Variants in RPN2 observed in about 807,000 individuals in gnomAD.
RPN2 encodes ribophorin II.
Under a neutral mutation model 71.4 loss-of-function variants are expected in RPN2, and 29 were observed. That is an observed-to-expected ratio of 0.41 (90% CI 0.30 to 0.55). RPN2 has a LOEUF of 0.55. RPN2 is among the 20% of genes least tolerant of loss of function. The pLI is 0.35. For missense variants in RPN2, 726 were observed against 774.1 expected, an observed-to-expected ratio of 0.94 and a Z score of 0.74; for synonymous variants, 308 against 305.0, an observed-to-expected ratio of 1.01 and a Z score of -0.10.
chr20:37,181,757 T>A (rs1398590384), intron 1 of RPN2, among the ~76,000 whole-genome samples: 1 of 152,200 alleles, frequency 6.6e-6, no homozygotes, highest in Non-Finnish European at 1.5e-5. Context: ...TCCCACCAGA[T>A]ATCTTTATGA....
chr20:37,230,082 A>C (rs1204404582), intron 13 of RPN2, 23 bp downstream of exon 13: 1 of 1,575,960 alleles, frequency 6.3e-7, no homozygotes, highest in Admixed American at 1.7e-5. Context: ...GGGCCTATCC[A>C]CTAAACGTGG....
chr20:37,202,868 A>G (rs1325558326), intron 4 of RPN2, among the ~76,000 whole-genome samples: 2 of 152,206 alleles, frequency 1.3e-5, no homozygotes, highest in African/African-American at 2.4e-5. Flanking sequence ...GATAGAACAT[A>G]GATTGCTGGT....
rs772699979 is a variant in RPN2 at position 37,232,415 on chromosome 20, G to T, written c.1677+24G>T. 7 of 1,613,384 alleles carry T rather than the reference G, an allele frequency of 4.3e-6. No homozygotes were observed. The African/African-American group carries it at 9.3e-5, about 22-fold the overall frequency. Reference sequence around the variant, plus strand: ...TGGTGAGTGGCTGTAATTAGCGTGGGCAGCATGCGTCTGGCGCCAGACCCA... The same window carrying T: ...TGGTGAGTGGCTGTAATTAGCGTGGTCAGCATGCGTCTGGCGCCAGACCCA... On this transcript the variant is annotated intron_variant, in intron 14 of 16. Coordinates refer to ENST00000237530, the MANE Select transcript of RPN2 (RefSeq NM_002951.5).
At chr20:37,229,897 G>A (rs2068191128) in intron 12 of RPN2, 76 bp from the exon 13 acceptor site, 1 of 1,115,024 alleles carries the variant, frequency 9.0e-7, no homozygotes, top group South Asian at 1.2e-5. Flanking sequence ...TTAGATGTGA[G>A]TCAGAGAATA....
At chr20:37,204,937 A>C in intron 6 of RPN2, 36 bp downstream of exon 6, 1 of 1,613,956 alleles carries the variant, frequency 6.2e-7, no homozygotes, top group Non-Finnish European at 8.5e-7. Context: ...TGAAACCCAA[A>C]GGGGTCATCA....
At chr20:37,198,659 T>C (rs2067310920) in intron 3 of RPN2, among the ~76,000 whole-genome samples, 167 bp downstream of exon 3, 1 of 152,116 alleles carries the variant, frequency 6.6e-6, no homozygotes, top group African/African-American at 2.4e-5. Context: ...TAGTTTATGT[T>C]TCTCCTAAGT....
chr20:37,206,260 A>G (rs923208355), intron 6 of RPN2, among the ~76,000 whole-genome samples: 4 of 152,140 alleles, frequency 2.6e-5, no homozygotes, highest in African/African-American at 9.7e-5. Flanking sequence ...TTCTTAATGG[A>G]GAGTTATTTT....
intron 6 of RPN2, among the ~76,000 whole-genome samples, chr20:37,205,146 G>A (rs1224598768): frequency 2.0e-5 from 3 of 152,054 alleles, no homozygotes; most frequent in East Asian, 3.9e-4. Flanking sequence ...TACATGTCAC[G>A]AGGTAGTATC....
intron 2 of RPN2, among the ~76,000 whole-genome samples, chr20:37,189,020 G>A (rs572031719): frequency 6.6e-6 from 1 of 151,942 alleles, no homozygotes; most frequent in Non-Finnish European, 1.5e-5. Flanking sequence ...TGCAACCTCC[G>A]CCTCGTAGGT....
chr20:37,239,191 A>G (rs1167826332), intron 16 of RPN2, among the ~76,000 whole-genome samples: 2 of 152,242 alleles, frequency 1.3e-5, no homozygotes, highest in Non-Finnish European at 2.9e-5. Context: ...TTAACTGGCC[A>G]TATGGTCTCT....
chr20:37,180,252 A>G (rs1054961482), intron 1 of RPN2, among the ~76,000 whole-genome samples: 16 of 152,346 alleles, frequency 1.1e-4, no homozygotes, highest in Admixed American at 4.6e-4. Context: ...AGTTCAGGAT[A>G]GTAAAGTGGT....
rs1163219708 is a variant in RPN2 at position 37,207,352 on chromosome 20, C to A, written c.770C>A (p.Ser257Tyr). The change falls in exon 7 of 17, where the codon TCT (serine) becomes TAT (tyrosine). Residue 257 changes from serine to tyrosine, a missense_variant. By Grantham distance (144) the Ser-to-Tyr change is moderately radical (BLOSUM62 -2). Coordinates refer to ENST00000237530, the MANE Select transcript of RPN2 (RefSeq NM_002951.5). ...ESLSEAFSVA[S>Y]AAAVLSHNRY... The stretch of plus-strand genomic sequence containing the variant: ...CTCTCCGAAGCCTTCAGCGTGGCCT[C>A]TGCAGCTGCTGTGCTCTCGCATAAT... The A allele has an allele frequency of 6.2e-7, 1 of 1,614,130 alleles. No individual in the cohort carries two copies. The highest frequency in any genetic ancestry group is 8.5e-7 in the Non-Finnish European group (1 of 1,179,906).
chr20:37,224,138 A>C (rs1388319977), intron 10 of RPN2, among the ~76,000 whole-genome samples, 169 bp downstream of exon 10: 7 of 152,228 alleles, frequency 4.6e-5, no homozygotes, highest in African/African-American at 1.7e-4. Flanking sequence ...GGATTCTGCG[A>C]ATTATCTAAG....
At chr20:37,211,929 G>A (rs539318711) in intron 8 of RPN2, among the ~76,000 whole-genome samples, 1 of 151,912 alleles carries the variant, frequency 6.6e-6, no homozygotes, top group East Asian at 1.9e-4. Context: ...GTAGAGATGG[G>A]GTTTTACCAT....
intron 12 of RPN2, among the ~76,000 whole-genome samples, chr20:37,229,116 G>A (rs1296927485): frequency 6.6e-6 from 1 of 152,198 alleles, no homozygotes; most frequent in Non-Finnish European, 1.5e-5. Context: ...GCTCATGGGA[G>A]GGATGAGATC....
intron 6 of RPN2, 94 bp from the exon 7 acceptor site, chr20:37,207,179 C>G: frequency 9.9e-7 from 1 of 1,013,848 alleles, no homozygotes; most frequent in Non-Finnish European, 1.6e-6. Flanking sequence ...ATGTGAACAC[C>G]CGAAACAGAT....
At chr20:37,210,011 C>G (rs1184260305) in intron 7 of RPN2, 36 bp from the exon 8 acceptor site, 1 of 1,609,944 alleles carries the variant, frequency 6.2e-7, no homozygotes, top group Non-Finnish European at 8.5e-7. Context: ...CTCCTGTAGC[C>G]TTTGTTGTAA....
chr20:37,183,527 C>T lies in RPN2; in HGVS notation c.14-653C>T, dbSNP rs536976182. ...TCTGTATTAACTCGTGTAATTGTAC[C>T]TGAGGTAGATACTATTATCACTTTA... On this transcript the variant is annotated intron_variant, in intron 1 of 16. Coordinates refer to ENST00000237530, the MANE Select transcript of RPN2 (RefSeq NM_002951.5). Among the ~76,000 whole-genome samples the T allele has an allele frequency of 3.3e-5, 5 of 152,272 alleles. No homozygotes were observed. In the South Asian group the frequency reaches 1.0e-3, roughly 32 times the overall value.
chr20:37,210,319 A>G (rs2067627511), intron 8 of RPN2, 154 bp downstream of exon 8: 1 of 1,443,014 alleles, frequency 6.9e-7, no homozygotes, highest in Non-Finnish European at 9.4e-7. Context: ...GATTTTTAAA[A>G]TGAAGATTAT....
Sources: allele counts gnomAD v4.1 joint callset (sites outside exome capture counted in the v4.1 genomes callset), GRCh38; gene constraint gnomAD v4.1.1; transcripts MANE v1.5; gene names NCBI Gene and HGNC (gene_info 2026-07-23, HGNC 2026-07-21).